The following AFF3 variants were observed in gnomAD, a reference collection of about 807,000 sequenced individuals.
AFF3 encodes the protein AF4/FMR2 family member 3.
Under a neutral mutation model 129.7 loss-of-function variants are expected in AFF3, and 32 were observed. The ratio of observed to expected loss-of-function variants is 0.25; its 90% CI spans 0.19 to 0.33. AFF3 has a LOEUF of 0.33. Ranked by LOEUF, AFF3 falls within the 10% of genes least tolerant of loss-of-function variation. The pLI is 1.00. For missense variants in AFF3, 1,373 were observed against 1,592.0 expected, an observed-to-expected ratio of 0.86 and a Z score of 2.34; for synonymous variants, 644 against 635.4, an observed-to-expected ratio of 1.01 and a Z score of -0.20.
intron 17 of AFF3, among the ~76,000 whole-genome samples, chr2:99,578,949 C>T (rs944187233): frequency 3.3e-5 from 5 of 152,178 alleles, no homozygotes; most frequent in East Asian, 1.9e-4. Context: ...ATCTGGTTCC[C>T]GGTGATGCGG....
At chr2:100,061,862 G>GGT (rs1358027053) in intron 4 of AFF3, among the ~76,000 whole-genome samples, 2 of 151,246 alleles carry the variant, frequency 1.3e-5, no homozygotes, top group African/African-American at 2.4e-5. Context: ...AGTGGAGGGG[G>GGT]GGGGGGTGCC....
chr2:100,084,255 T>C (rs1689254874), intron 4 of AFF3, among the ~76,000 whole-genome samples: 1 of 152,228 alleles, frequency 6.6e-6, no homozygotes, highest in South Asian at 2.1e-4. Context: ...TAATAACAAC[T>C]TAAAAAGTAA....
Position 99,973,560 on chromosome 2 carries a change from A to C in AFF3, c.873+33072T>G, listed in dbSNP as rs183504882. 2.0e-4 allele frequency among the ~76,000 whole-genome samples: 30 copies of C among 152,250 alleles called. No homozygotes were observed. The East Asian group carries it at 5.0e-3, about 26-fold the overall frequency. Reference sequence around the variant, plus strand: ...TAAAAGTCACTTAAAATTGGACTCAAATTACTTCAAAGTTTGATACCTGCC... The same window carrying C: ...TAAAAGTCACTTAAAATTGGACTCACATTACTTCAAAGTTTGATACCTGCC... On this transcript the variant is annotated intron_variant, in intron 7 of 24. Coordinates refer to ENST00000672756, the MANE Select transcript of AFF3 (RefSeq NM_001386135.1).
chr2:100,074,819 G>A (rs181744634), intron 4 of AFF3, among the ~76,000 whole-genome samples: 16 of 152,292 alleles, frequency 1.1e-4, no homozygotes, highest in Non-Finnish European at 2.1e-4. Context: ...CCTTATTTAT[G>A]CCAATAACAC....
chr2:100,062,253 C>A (rs574338644), intron 4 of AFF3, among the ~76,000 whole-genome samples: 1 of 152,238 alleles, frequency 6.6e-6, no homozygotes, highest in African/African-American at 2.4e-5. Context: ...GTTGGAGGGG[C>A]CCAGCAGAGG....
chr2:99,634,827 A>G (rs1323260272), intron 13 of AFF3, among the ~76,000 whole-genome samples: 3 of 152,144 alleles, frequency 2.0e-5, no homozygotes, highest in South Asian at 4.1e-4. Context: ...GAACAGAACT[A>G]GACGAGGTGT....
chr2:99,976,571 A>G (rs1409666202), intron 7 of AFF3, among the ~76,000 whole-genome samples: 4 of 152,180 alleles, frequency 2.6e-5, no homozygotes, highest in Non-Finnish European at 4.4e-5. Flanking sequence ...GTTTCTCTCA[A>G]TAGCCCCTAA....
At chr2:99,908,124 A>G (rs1314225991) in intron 7 of AFF3, among the ~76,000 whole-genome samples, 1 of 152,194 alleles carries the variant, frequency 6.6e-6, no homozygotes, top group Non-Finnish European at 1.5e-5. Flanking sequence ...GTCTAAACCA[A>G]TAACTGGTCA....
intron 13 of AFF3, among the ~76,000 whole-genome samples, chr2:99,620,451 A>C (rs1241151842): frequency 6.6e-6 from 1 of 152,182 alleles, no homozygotes; most frequent in African/African-American, 2.4e-5. Flanking sequence ...CAACATAGTG[A>C]GACCCCTGTT....
intron 7 of AFF3, among the ~76,000 whole-genome samples, chr2:99,856,358 G>A (rs1053871790): frequency 6.6e-6 from 1 of 152,102 alleles, no homozygotes; most frequent in South Asian, 2.1e-4. Flanking sequence ...ACAAAGAACC[G>A]GGAAAATATG....
At chr2:99,703,616 G>A (rs1255420314) in intron 11 of AFF3, among the ~76,000 whole-genome samples, 1 of 150,322 alleles carries the variant, frequency 6.7e-6, no homozygotes, top group Non-Finnish European at 1.5e-5. Flanking sequence ...TTCGTTTACT[G>A]TTTTATTCCT....
chr2:99,889,515 C>A (rs1693381056), intron 7 of AFF3, among the ~76,000 whole-genome samples: 1 of 152,202 alleles, frequency 6.6e-6, no homozygotes, highest in Non-Finnish European at 1.5e-5. Flanking sequence ...ATCACAAGCA[C>A]CCGCATAACG....
At chr2:99,864,043 G>A (rs1691193515) in intron 7 of AFF3, among the ~76,000 whole-genome samples, 1 of 152,190 alleles carries the variant, frequency 6.6e-6, no homozygotes, top group South Asian at 2.1e-4. Flanking sequence ...CGTTGCCACA[G>A]AGTCCTGAGC....
At chr2:99,794,884 A>G (rs1489705722) in intron 8 of AFF3, among the ~76,000 whole-genome samples, 1 of 152,148 alleles carries the variant, frequency 6.6e-6, no homozygotes, top group Non-Finnish European at 1.5e-5. Flanking sequence ...GATTTCATAT[A>G]TTTTGGGTAG....
At chr2:100,094,188 AGATGGTTTCAG>A (rs1161144399) in intron 4 of AFF3, among the ~76,000 whole-genome samples, 1 of 152,136 alleles carries the variant, frequency 6.6e-6, no homozygotes, top group Non-Finnish European at 1.5e-5. Flanking sequence ...AGGGGTGGAG[AGATGGTTTCAG>A]GATGGTTCAA....
Position 99,554,465 on chromosome 2 carries a change from G to A in AFF3, c.3405C>T (p.Ser1135=). The A allele has an allele frequency of 6.2e-7, 1 of 1,614,034 alleles. No homozygotes were observed. Among genetic ancestry groups the A allele is most frequent in the Non-Finnish European group, 8.5e-7 (1 of 1,180,032 alleles). Residue 1135 remains serine (S), a synonymous_variant, in exon 24 of 25, where the codon AGC becomes AGT. Transcript: ENST00000672756. ...GGGACAGGGCGCTGGCGTTGGAGAGGCTGCCCTGAGACCCCACGGAGCTGG... is the reference window on the plus strand; with the variant it reads ...GGGACAGGGCGCTGGCGTTGGAGAGACTGCCCTGAGACCCCACGGAGCTGG... The part of the protein sequence containing the change: ...SPASSVGSQG[S]LSNASALSPS...
chr2:99,655,213 T>TACAC (rs59646108), intron 12 of AFF3, among the ~76,000 whole-genome samples: 1,394 of 130,326 alleles, frequency 0.011, 14 homozygotes, highest in African/African-American at 0.02. Flanking sequence ...CATGAAAAGC[T>TACAC]ACACACACAC....
At chr2:99,946,145 A>G (rs894977436) in intron 7 of AFF3, among the ~76,000 whole-genome samples, 3 of 152,078 alleles carry the variant, frequency 2.0e-5, no homozygotes, top group Non-Finnish European at 4.4e-5. Flanking sequence ...GCAGATTATA[A>G]AGAGACCACA....
chr2:99,742,257 T>C (rs558092353), intron 10 of AFF3, among the ~76,000 whole-genome samples: 4 of 152,160 alleles, frequency 2.6e-5, no homozygotes, highest in East Asian at 3.9e-4. Context: ...TGTGGGAGGA[T>C]TGCTTGAGCC....
Sources: allele counts gnomAD v4.1 joint callset (sites outside exome capture counted in the v4.1 genomes callset), GRCh38; gene constraint gnomAD v4.1.1; transcripts MANE v1.5; gene names NCBI Gene and HGNC (gene_info 2026-07-23, HGNC 2026-07-21).